Variants in CHAF1A observed in about 807,000 individuals in gnomAD.
CHAF1A encodes CAF-1 subunit A.
CHAF1A carries 5 observed loss-of-function variants against 93.2 expected under a neutral mutation model. The ratio of observed to expected loss-of-function variants is 0.05; its 90% CI spans 0.03 to 0.11. The LOEUF (loss-of-function observed/expected upper bound fraction) is 0.11. Ranked by LOEUF, CHAF1A falls within the 10% of genes least tolerant of loss-of-function variation. The pLI is 1.00. For missense variants in CHAF1A, 1,102 were observed against 1,259.9 expected (o/e 0.87, Z 1.90); for synonymous variants, 504 against 510.3 (o/e 0.99, Z 0.17).
At chr19:4,409,913 A>G (rs1371272662) in intron 3 of CHAF1A, among the ~76,000 whole-genome samples, 154 bp downstream of exon 3, 1 of 151,962 alleles carries the variant, frequency 6.6e-6, no homozygotes, top group Non-Finnish European at 1.5e-5. Flanking sequence ...TGGTATCAAA[A>G]CTCACAGTGT....
intron 13 of CHAF1A, 113 bp from the exon 14 acceptor site, chr19:4,442,132 C>T (rs965721741): frequency 1.8e-5 from 14 of 796,548 alleles, no homozygotes; most frequent in South Asian, 1.6e-4. Context: ...GGTTTCCTTC[C>T]GTGTTGGGGG....
chr19:4,436,623 C>T (rs1201793491), intron 13 of CHAF1A, among the ~76,000 whole-genome samples: 2 of 152,186 alleles, frequency 1.3e-5, no homozygotes, highest in African/African-American at 4.8e-5. Context: ...AAGCAGTTTT[C>T]CAGGGCCTTT....
downstream of CHAF1A, chr19:4,446,553 A>G (rs1974528984): frequency 6.2e-7 from 1 of 1,612,360 alleles, no homozygotes; most frequent in Non-Finnish European, 8.5e-7. Flanking sequence ...AGAAGTCCCC[A>G]GGCAGTTCGA....
At chr19:4,446,346 C>A, downstream of CHAF1A, 1 of 1,570,714 alleles carries the variant, frequency 6.4e-7, no homozygotes, top group Non-Finnish European at 8.6e-7. Flanking sequence ...TTGCGCAGCC[C>A]CCGCTGCTCC....
chr19:4,448,111 T>G, downstream of CHAF1A: 1 of 596,492 alleles, frequency 1.7e-6, no homozygotes, highest in Non-Finnish European at 3.0e-6. Flanking sequence ...TTCAACACCT[T>G]CATTTTGCAC....
intron 7 of CHAF1A, among the ~76,000 whole-genome samples, chr19:4,426,272 A>G (rs1257844193): frequency 6.8e-6 from 1 of 148,134 alleles, no homozygotes; most frequent in Non-Finnish European, 1.5e-5. Context: ...GGTTCACACC[A>G]TTCTCCTGCC....
At chr19:4,439,578 T>C (rs1247685649) in intron 13 of CHAF1A, among the ~76,000 whole-genome samples, 2 of 152,180 alleles carry the variant, frequency 1.3e-5, no homozygotes, top group East Asian at 1.9e-4. Flanking sequence ...TGTCAACGCG[T>C]CTCCTGTGTG....
At chr19:4,418,705 G>A (rs1340865321) in intron 4 of CHAF1A, among the ~76,000 whole-genome samples, 2 of 151,992 alleles carry the variant, frequency 1.3e-5, no homozygotes, top group Non-Finnish European at 2.9e-5. Context: ...GTGAGCCGCC[G>A]CGCCTGGCCA....
chr19:4,429,648 CTG>C, intron 9 of CHAF1A, 42 bp downstream of exon 9: 1 of 1,614,024 alleles, frequency 6.2e-7, no homozygotes, highest in Non-Finnish European at 8.5e-7. Context: ...TACCTCCTCA[CTG>C]TGCCCCTTTC....
chr19:4,415,721 C>T (rs570987997), intron 3 of CHAF1A, among the ~76,000 whole-genome samples: 3 of 152,122 alleles, frequency 2.0e-5, no homozygotes, highest in East Asian at 1.9e-4. Flanking sequence ...CCTGCCAACA[C>T]GGGCAGCCTT....
At chr19:4,447,486 G>C, downstream of CHAF1A, 1 of 1,580,258 alleles carries the variant, frequency 6.3e-7, no homozygotes, top group Non-Finnish European at 8.7e-7. Context: ...GGCCACCACC[G>C]GCTCCTGCAG....
intron 13 of CHAF1A, among the ~76,000 whole-genome samples, chr19:4,435,813 G>A (rs1381150431): frequency 7.2e-5 from 11 of 152,136 alleles, no homozygotes; most frequent in African/African-American, 2.2e-4. Flanking sequence ...GATAACCCCC[G>A]GCCCCAGCTT....
At chr19:4,414,953 C>T (rs1973872360) in intron 3 of CHAF1A, among the ~76,000 whole-genome samples, 1 of 152,148 alleles carries the variant, frequency 6.6e-6, no homozygotes, top group Admixed American at 6.6e-5. Context: ...AAATTAGATA[C>T]CCTTTAGTAT....
chr19:4,431,463 GTT>G (rs936340546), intron 11 of CHAF1A, among the ~76,000 whole-genome samples: 4 of 152,184 alleles, frequency 2.6e-5, no homozygotes, highest in African/African-American at 9.6e-5. Flanking sequence ...TTTTGGTCCT[GTT>G]TTGTTTTGAA....
chr19:4,443,837 A>G (rs1974445091), downstream of CHAF1A, among the ~76,000 whole-genome samples: 1 of 152,156 alleles, frequency 6.6e-6, no homozygotes, highest in Non-Finnish European at 1.5e-5. Context: ...GACAGGCGAC[A>G]GCCGCTGTGG....
chr19:4,425,832 C>T (rs909298791), intron 7 of CHAF1A, among the ~76,000 whole-genome samples: 1 of 152,194 alleles, frequency 6.6e-6, no homozygotes, highest in African/African-American at 2.4e-5. Flanking sequence ...GATGTACATT[C>T]CCGGCGATGT....
At chr19:4,447,887 A>G (rs1030198144), downstream of CHAF1A, 1 of 517,406 alleles carries the variant, frequency 1.9e-6, no homozygotes, top group African/African-American at 1.9e-5. Flanking sequence ...ACAATTAACC[A>G]CAGCGGTGGG....
chr19:4,429,469 G>T lies in CHAF1A; in HGVS notation c.1636G>T (p.Asp546Tyr). The part of the protein sequence containing the change: ...DVVIVERGKG[D>Y]GVPERRKFGR... ...CGTCATCGTGGAGCGTGGGAAGGGC[G>T]ACGGTGTTCCCGAGAGGAGGAAGTT... The change falls in exon 9 of 15, where the codon GAC (aspartate) becomes TAC (tyrosine). Residue 546 changes from aspartate (D) to tyrosine (Y), a missense_variant. Asp to Tyr is a radical substitution (Grantham distance 160). This residue lies in a region of CHAF1A where 335 missense variants were observed against 361.9 expected (regional missense o/e 0.93). Transcript: ENST00000301280. 6.2e-7 allele frequency: 1 copy of T among 1,614,080 alleles called. No individual in the cohort carries two copies.
intron 7 of CHAF1A, among the ~76,000 whole-genome samples, chr19:4,427,264 C>G (rs909632262): frequency 2.1e-5 from 3 of 145,962 alleles, no homozygotes; most frequent in African/African-American, 7.6e-5. Context: ...ATTCTCCTGC[C>G]TCAGCCTCCT....
Sources: allele counts gnomAD v4.1 joint callset (sites outside exome capture counted in the v4.1 genomes callset), GRCh38; gene constraint gnomAD v4.1.1; regional missense constraint gnomAD v4.1.1; transcripts MANE v1.5; gene names NCBI Gene and HGNC (gene_info 2026-07-23, HGNC 2026-07-21).